Variants in GLI3 observed in about 807,000 individuals in gnomAD.
The protein encoded by GLI3 is transcription activator GLI3.
A neutral mutation model predicts 100.8 loss-of-function variants in GLI3; 20 were observed. That is an observed-to-expected ratio of 0.20 (90% confidence interval 0.14 to 0.29). GLI3 has a LOEUF of 0.29. GLI3 is among the 10% of genes least tolerant of loss of function. The pLI, the probability that GLI3 is intolerant of heterozygous loss-of-function variation, is 1.00. For missense variants in GLI3, 2,040 were observed against 2,128.5 expected (o/e 0.96, Z 0.82); for synonymous variants, 938 against 860.5 (o/e 1.09, Z -1.58).
chr7:42,125,877 G>A (rs1786114661), intron 3 of GLI3, among the ~76,000 whole-genome samples: 1 of 152,036 alleles, frequency 6.6e-6, no homozygotes, highest in African/African-American at 2.4e-5. Flanking sequence ...AAAAACACAA[G>A]GAATGATCAT....
intron 2 of GLI3, among the ~76,000 whole-genome samples, chr7:42,191,804 A>G (rs542228484): frequency 5.3e-5 from 8 of 152,266 alleles, no homozygotes; most frequent in African/African-American, 1.9e-4. Flanking sequence ...GAGAAAACCA[A>G]GACTTGGAAG....
At chr7:42,126,965 T>C (rs1786149033) in intron 3 of GLI3, among the ~76,000 whole-genome samples, 1 of 152,026 alleles carries the variant, frequency 6.6e-6, no homozygotes, top group Non-Finnish European at 1.5e-5. Context: ...CGAGCGTCAG[T>C]CCACAGCCAG....
At chr7:41,967,949 G>T (rs762782752) in intron 13 of GLI3, 26 bp from the exon 14 acceptor site, 1 of 1,587,466 alleles carries the variant, frequency 6.3e-7, no homozygotes, top group South Asian at 1.1e-5. Context: ...GGAAAGGAAA[G>T]AAATGTCACC....
intron 3 of GLI3, among the ~76,000 whole-genome samples, chr7:42,142,919 G>A (rs1034533897): frequency 1.7e-5 from 2 of 117,292 alleles, no homozygotes; most frequent in Non-Finnish European, 3.2e-5. Flanking sequence ...CTGGGCGAGA[G>A]CAAGACTCTG....
chr7:42,165,870 T>C (rs980591248), intron 2 of GLI3, among the ~76,000 whole-genome samples: 4 of 152,096 alleles, frequency 2.6e-5, no homozygotes, highest in Non-Finnish European at 5.9e-5. Context: ...ATCCAAAACA[T>C]TGGGAAACAG....
chr7:42,198,749 G>T (rs1787978923), intron 2 of GLI3, among the ~76,000 whole-genome samples: 1 of 151,674 alleles, frequency 6.6e-6, no homozygotes, highest in Admixed American at 6.6e-5. Context: ...ACCTCCTTGA[G>T]ATGCATATGC....
chr7:42,161,692 T>C (rs968080690), intron 2 of GLI3, among the ~76,000 whole-genome samples: 3 of 152,232 alleles, frequency 2.0e-5, no homozygotes, highest in African/African-American at 7.2e-5. Context: ...CAAATCAGTC[T>C]CCTATGATTC....
Position 41,972,760 on chromosome 7 carries a change from G to C in GLI3, c.1813-133C>G. 1.4e-6 allele frequency: 1 copy of C among 734,886 alleles called. No homozygotes were observed. The highest frequency in any genetic ancestry group is 2.4e-6 in the Non-Finnish European group (1 of 420,632). 45.5% of individuals were successfully genotyped at this position (734,886 alleles called of 1,614,324 possible). On this transcript the variant is annotated intron_variant, in intron 12 of 14. Coordinates refer to ENST00000395925, the MANE Select transcript of GLI3 (RefSeq NM_000168.6). The surrounding 1 kb of genome is among the most constrained non-coding windows in gnomAD (Gnocchi z 4.4). The stretch of plus-strand genomic sequence containing the variant: ...CTTTCACAAGGCTTTGAGGTGTTCA[G>C]ATACCTCTAGGAACTAATAGTTTAA...
chr7:42,185,168 T>C (rs1407710983), intron 2 of GLI3, among the ~76,000 whole-genome samples: 1 of 152,168 alleles, frequency 6.6e-6, no homozygotes, highest in Non-Finnish European at 1.5e-5. Flanking sequence ...GACTGACTGC[T>C]TTTACAAAGC....
At chr7:42,178,013 C>A (rs1035227581) in intron 2 of GLI3, among the ~76,000 whole-genome samples, 4 of 152,148 alleles carry the variant, frequency 2.6e-5, no homozygotes, top group African/African-American at 9.7e-5. Flanking sequence ...CAGTCACTAG[C>A]CAAACTTGAC....
chr7:42,116,377 C>T (rs954474873), intron 3 of GLI3, among the ~76,000 whole-genome samples: 11 of 151,532 alleles, frequency 7.3e-5, no homozygotes, highest in South Asian at 2.1e-4. Context: ...CCATAAACAA[C>T]ACTTATCCTC....
At chr7:42,235,402 G>C (rs1417237107) in intron 1 of GLI3, among the ~76,000 whole-genome samples, 2 of 152,114 alleles carry the variant, frequency 1.3e-5, no homozygotes, top group Non-Finnish European at 2.9e-5. Context: ...AGACTGAAAA[G>C]AGCTCATTTC....
Position 42,258,934 on chromosome 7 carries a change from C to A in GLI3, c.-43+5060G>T, listed in dbSNP as rs144276975. Among the ~76,000 whole-genome samples, 658 of 152,250 alleles carry A rather than the reference C, an allele frequency of 4.3e-3. 5 individuals carry two copies. Among genetic ancestry groups the A allele is most frequent in the African/African-American group, 0.015 (619 of 41,560 alleles). Reference sequence around the variant, plus strand: ...CACACAGAAAATGTGCTTGGGTTTTCTTTTTTCTGTCTGTTTCATTTTTCA... The same window carrying A: ...CACACAGAAAATGTGCTTGGGTTTTATTTTTTCTGTCTGTTTCATTTTTCA... On this transcript the variant is annotated intron_variant, in intron 1 of 2. Transcript: ENST00000678978.
chr7:42,233,987 C>T (rs1788742214), intron 1 of GLI3, among the ~76,000 whole-genome samples: 2 of 152,068 alleles, frequency 1.3e-5, no homozygotes, highest in African/African-American at 2.4e-5. Context: ...CAAATCAGAC[C>T]GACCTCAGAA....
intron 4 of GLI3, among the ~76,000 whole-genome samples, chr7:42,053,064 G>A (rs1022072881): frequency 2.6e-5 from 4 of 152,060 alleles, no homozygotes; most frequent in Non-Finnish European, 4.4e-5. Context: ...GCGCAATCTC[G>A]GCTCACTGCA....
intron 3 of GLI3, among the ~76,000 whole-genome samples, chr7:42,098,131 C>G (rs769655787): frequency 6.6e-6 from 1 of 152,058 alleles, no homozygotes; most frequent in Non-Finnish European, 1.5e-5. Context: ...GCAGGTATGA[C>G]CACAGAGAGA....
chr7:41,965,949 G>C lies in GLI3; in HGVS notation c.3124C>G (p.Arg1042Gly). The C allele has an allele frequency of 6.2e-7, 1 of 1,611,702 alleles. No homozygotes were observed. Among genetic ancestry groups the C allele is most frequent in the Non-Finnish European group, 8.5e-7 (1 of 1,179,788 alleles). Residue 1042 changes from arginine to glycine, a missense_variant, in exon 15 of 15, where the codon CGC (arginine) becomes GGC (glycine). Around this residue, in one of 5 missense-constraint regions of GLI3, gnomAD observed 1,041 missense variants for 924.0 expected, o/e 1.13. Coordinates refer to ENST00000395925, the MANE Select transcript of GLI3 (RefSeq NM_000168.6). ...GTGTAATTCTGAAGCACGAGACTGCGCTTCTCCGCGGACGTGGCCATCGCC... is the reference window on the plus strand; with the variant it reads ...GTGTAATTCTGAAGCACGAGACTGCCCTTCTCCGCGGACGTGGCCATCGCC... The part of the protein sequence containing the change: ...PPAMATSAEK[R>G]SLVLQNYTRP...
chr7:42,072,709 T>C (rs1210492892), intron 4 of GLI3, among the ~76,000 whole-genome samples: 1 of 152,286 alleles, frequency 6.6e-6, no homozygotes, highest in Non-Finnish European at 1.5e-5. Context: ...ACAGCCCTGA[T>C]GTCAACAATG....
rs369926331 is a variant in GLI3 at position 42,048,607 on chromosome 7, G to T, written c.563C>A (p.Ser188Tyr). The T allele has an allele frequency of 4.7e-5, 75 of 1,611,534 alleles. No individual in the cohort carries two copies. The Middle Eastern group carries it at 2.3e-3, about 50-fold the overall frequency. Residue 188 changes from serine (S) to tyrosine (Y), a missense_variant, in exon 5 of 15, where the codon TCT (serine) becomes TAT (tyrosine). Coordinates refer to ENST00000395925, the MANE Select transcript of GLI3 (RefSeq NM_000168.6). ...PHRNPTAASE[S>Y]PFSPPHPYIN... ...GTAGGGATGTGGAGGGCTGAAGGGA[G>T]ACTCGGAAGCAGCAGTGGGGTTCCG...
Sources: gnomAD v4.1 joint callset for allele counts (sites outside exome capture counted in the v4.1 genomes callset) on GRCh38, gnomAD v4.1.1 for gene constraint, gnomAD v4.1.1 regional missense constraint, Gnocchi (gnomAD v3.1) non-coding constraint, MANE v1.5 for transcripts, NCBI Gene and HGNC (gene_info 2026-07-23, HGNC 2026-07-21) for gene names.